IKZF3: variants seen among roughly 807,000 people sequenced by gnomAD.
IKZF3 encodes the protein IKAROS family zinc finger 3, also known as zinc finger protein Aiolos.
Under a neutral mutation model 49.0 loss-of-function variants are expected in IKZF3, and 10 were observed. The observed-to-expected ratio is 0.20, with a 90% CI of 0.13 to 0.35. The LOEUF (loss-of-function observed/expected upper bound fraction) is 0.35, where lower values mean the gene tolerates loss of function less well. Ranked by LOEUF, IKZF3 falls within the 10% of genes least tolerant of loss-of-function variation. IKZF3 has a pLI of 1.00. For synonymous variants in IKZF3, 209 were observed against 228.2 expected (o/e 0.92, Z 0.76); for missense variants, 498 against 664.8 (o/e 0.75, Z 2.76).
intron 1 of IKZF3, among the ~76,000 whole-genome samples, chr17:39,843,596 T>C (rs1168713866): frequency 6.6e-6 from 1 of 152,086 alleles, no homozygotes. Context: ...CCCTCTGACA[T>C]TTAAATAGCT....
intron 6 of IKZF3, among the ~76,000 whole-genome samples, chr17:39,780,033 T>G (rs1247145209): frequency 6.6e-6 from 1 of 152,122 alleles, no homozygotes; most frequent in Non-Finnish European, 1.5e-5. Flanking sequence ...ATCCTGTTCC[T>G]ACAAAAAGTA....
At chr17:39,789,571 A>G (rs1193021170) in intron 5 of IKZF3, among the ~76,000 whole-genome samples, 1 of 151,690 alleles carries the variant, frequency 6.6e-6, no homozygotes, top group East Asian at 1.9e-4. Context: ...TCAAACAAAC[A>G]AACAAAATTA....
chr17:39,806,843 C>T (rs2061440995), intron 3 of IKZF3, among the ~76,000 whole-genome samples: 1 of 152,134 alleles, frequency 6.6e-6, no homozygotes, highest in South Asian at 2.1e-4. Context: ...CTGTGACTTC[C>T]ATCTCTCTCT....
intron 6 of IKZF3, chr17:39,778,195 G>C (rs930039199): frequency 8.6e-5 from 85 of 986,560 alleles, no homozygotes; most frequent in Non-Finnish European, 1.0e-4. Context: ...CAGATTTACT[G>C]CTCTGTTTAT....
chr17:39,799,262 G>A (rs1463280419), intron 3 of IKZF3, among the ~76,000 whole-genome samples: 1 of 152,104 alleles, frequency 6.6e-6, no homozygotes, highest in African/African-American at 2.4e-5. Flanking sequence ...AATTCCTGGT[G>A]TATGAATATA....
intron 7 of IKZF3, among the ~76,000 whole-genome samples, chr17:39,770,693 T>C (rs1312573817): frequency 6.6e-6 from 1 of 151,830 alleles, no homozygotes; most frequent in Non-Finnish European, 1.5e-5. Context: ...CTGTGCCTTA[T>C]ATACAATAAT....
intron 1 of IKZF3, among the ~76,000 whole-genome samples, chr17:39,852,337 G>A (rs570517793): frequency 6.6e-6 from 1 of 151,890 alleles, no homozygotes; most frequent in Admixed American, 6.6e-5. Context: ...TACCCACTTC[G>A]ATTTGGTTTC....
intron 1 of IKZF3, chr17:39,839,609 G>T: frequency 5.0e-6 from 2 of 403,986 alleles, no homozygotes; most frequent in South Asian, 2.0e-5. Context: ...TTTTAGACAG[G>T]GTCTGACTCT....
chr17:39,814,231 C>G, intron 3 of IKZF3, among the ~76,000 whole-genome samples: 1 of 152,184 alleles, frequency 6.6e-6, no homozygotes, highest in East Asian at 1.9e-4. Context: ...AGCATCTACA[C>G]TGCACAAGAT....
chr17:39,793,032 TCGAAGCTAACAAAA>T, intron 3 of IKZF3, 99 bp from the exon 4 acceptor site: 1 of 1,200,850 alleles, frequency 8.3e-7, no homozygotes, highest in South Asian at 1.5e-5. Context: ...TAAATACCAA[TCGAAGCTAACAAAA>T]CACTGTACAT....
chr17:39,800,235 GAC>G (rs2061283408), intron 3 of IKZF3, among the ~76,000 whole-genome samples: 1 of 152,108 alleles, frequency 6.6e-6, no homozygotes, highest in Non-Finnish European at 1.5e-5. Flanking sequence ...AGGTTTCTTA[GAC>G]ATACATCTTA....
At chr17:39,777,994 C>A (rs1203552664) in intron 6 of IKZF3, 2 of 1,207,694 alleles carry the variant, frequency 1.7e-6, no homozygotes, top group East Asian at 7.8e-5. Flanking sequence ...AAAGCTCGAC[C>A]CATCCCCAAC....
chr17:39,775,238 C>A (rs143262792), intron 7 of IKZF3, among the ~76,000 whole-genome samples: 5 of 152,172 alleles, frequency 3.3e-5, no homozygotes, highest in African/African-American at 1.2e-4. Context: ...TTATTCTGGG[C>A]CCTGAAGCCC....
intron 1 of IKZF3, among the ~76,000 whole-genome samples, chr17:39,857,990 G>A (rs1368598130): frequency 1.3e-5 from 2 of 150,908 alleles, no homozygotes; most frequent in Non-Finnish European, 1.5e-5. Context: ...GAGAGAGAGA[G>A]ATCCCTAAAC....
chr17:39,809,787 A>G (rs1269564909), intron 3 of IKZF3, among the ~76,000 whole-genome samples: 1 of 152,242 alleles, frequency 6.6e-6, no homozygotes, highest in African/African-American at 2.4e-5. Context: ...AATAAAATTA[A>G]AAGATTGACA....
intron 3 of IKZF3, among the ~76,000 whole-genome samples, chr17:39,811,822 A>G (rs1172897263): frequency 6.6e-6 from 1 of 152,244 alleles, no homozygotes; most frequent in African/African-American, 2.4e-5. Flanking sequence ...ACTTTGGCAC[A>G]AAAGAACACA....
chr17:39,838,518 T>G (rs1235779052), intron 1 of IKZF3, among the ~76,000 whole-genome samples: 2 of 152,192 alleles, frequency 1.3e-5, no homozygotes, highest in Admixed American at 6.5e-5. Flanking sequence ...AAGCATATTT[T>G]CCTTTATATC....
chr17:39,767,757 G>C (rs193291860), intron 7 of IKZF3, among the ~76,000 whole-genome samples: 1 of 152,032 alleles, frequency 6.6e-6, no homozygotes, highest in Non-Finnish European at 1.5e-5. Flanking sequence ...TATAGAACTC[G>C]AGAAAAAGTA....
intron 3 of IKZF3, among the ~76,000 whole-genome samples, chr17:39,814,182 T>C (rs2144129566): frequency 6.6e-6 from 1 of 152,342 alleles, no homozygotes; most frequent in South Asian, 2.1e-4. Flanking sequence ...ATTATTTTTT[T>C]CAGCAAGCTT....
Sources: allele counts gnomAD v4.1 joint callset (sites outside exome capture counted in the v4.1 genomes callset), GRCh38; gene constraint gnomAD v4.1.1; transcripts MANE v1.5; gene names NCBI Gene and HGNC (gene_info 2026-07-23, HGNC 2026-07-21).